FYCO1: variants seen among roughly 807,000 people sequenced by gnomAD.
FYCO1 encodes the protein FYVE and coiled-coil domain autophagy adaptor 1.
Under a neutral mutation model 165.1 loss-of-function variants are expected in FYCO1, and 122 were observed. That is an observed-to-expected ratio of 0.74 (90% CI 0.64 to 0.86). The LOEUF (loss-of-function observed/expected upper bound fraction) is 0.86. Ranked by LOEUF, FYCO1 falls within the 40% of genes least tolerant of loss-of-function variation. FYCO1 has a pLI of 0.00. For missense variants in FYCO1, 1,702 were observed against 1,810.3 expected, an observed-to-expected ratio of 0.94 and a Z score of 1.09; for synonymous variants, 648 against 742.5, an observed-to-expected ratio of 0.87 and a Z score of 2.07.
intron 17 of FYCO1, 44 bp from the exon 18 acceptor site, chr3:45,921,884 G>T: frequency 7.6e-7 from 1 of 1,313,156 alleles, no homozygotes; most frequent in Non-Finnish European, 1.1e-6. Flanking sequence ...CCTGAGAGCT[G>T]AAAGTCCGAG....
chr3:45,958,910 C>T (rs558193516), intron 12 of FYCO1, among the ~76,000 whole-genome samples: 1 of 152,338 alleles, frequency 6.6e-6, no homozygotes, highest in African/African-American at 2.4e-5. Flanking sequence ...ATCTCAGAAG[C>T]TAAGGCTCTA....
intron 1 of FYCO1, among the ~76,000 whole-genome samples, chr3:45,995,288 G>A (rs1707753121): frequency 6.6e-6 from 1 of 152,368 alleles, no homozygotes; most frequent in East Asian, 1.9e-4. Context: ...GTCTTGCAAA[G>A]TGAAGGTCTG....
chr3:45,939,239 C>T (rs1704075360), intron 14 of FYCO1, among the ~76,000 whole-genome samples: 1 of 152,264 alleles, frequency 6.6e-6, no homozygotes, highest in Admixed American at 6.5e-5. Flanking sequence ...GCCTGCTGTG[C>T]ACACAGCCCA....
intron 1 of FYCO1, among the ~76,000 whole-genome samples, chr3:45,992,710 G>C (rs572888278): frequency 5.9e-5 from 9 of 152,250 alleles, no homozygotes; most frequent in African/African-American, 2.2e-4. Flanking sequence ...GAAAGGGGGG[G>C]TAACAGACAT....
At chr3:45,978,724 A>G (rs1327483600) in intron 4 of FYCO1, among the ~76,000 whole-genome samples, 2 of 152,238 alleles carry the variant, frequency 1.3e-5, no homozygotes, top group Non-Finnish European at 2.9e-5. Context: ...CCTGATATGC[A>G]AAGTTCTGCA....
At chr3:45,953,348 C>G (rs1393503401) in intron 14 of FYCO1, among the ~76,000 whole-genome samples, 1 of 152,132 alleles carries the variant, frequency 6.6e-6, no homozygotes, top group African/African-American at 2.4e-5. Flanking sequence ...GACCTGGGAC[C>G]CACATAAATT....
At position 45,931,247 on chromosome 3, in the gene FYCO1, T is replaced by C. The variant is rs1703605795; in HGVS notation, c.4075A>G (p.Ser1359Gly). ...AGCTCCCTGCTACCCTCCCCGAAGC[T>C]GGCGATCTCATCCACTGTGAGGGGT... ...KVPLTVDEIA[S>G]FGEGSRELFV... The change falls in exon 16 of 18, where the codon AGC (serine) becomes GGC (glycine). Residue 1359 changes from serine (S) to glycine (G), a missense_variant. Transcript: ENST00000296137. 6 of 1,613,812 alleles carry C rather than the reference T, an allele frequency of 3.7e-6. No homozygotes were observed. Among genetic ancestry groups the C allele is most frequent in the African/African-American group, 1.3e-5 (1 of 74,942 alleles).
chr3:45,961,335 T>C (rs900966788), intron 11 of FYCO1, among the ~76,000 whole-genome samples: 2 of 152,144 alleles, frequency 1.3e-5, no homozygotes, highest in Admixed American at 6.5e-5. Flanking sequence ...CTCCCAGGAC[T>C]TGGGAGGCTG....
chr3:45,969,443 C>T (rs1247946134), intron 7 of FYCO1, among the ~76,000 whole-genome samples: 4 of 152,236 alleles, frequency 2.6e-5, no homozygotes, highest in Non-Finnish European at 4.4e-5. Flanking sequence ...CGGTGCTAAA[C>T]TGCTTCTTTT....
At chr3:45,943,712 G>A (rs565018443) in intron 14 of FYCO1, among the ~76,000 whole-genome samples, 7 of 152,252 alleles carry the variant, frequency 4.6e-5, no homozygotes, top group Non-Finnish European at 8.8e-5. Context: ...CTGCTGTGTG[G>A]GTTAAACTGG....
At chr3:45,957,961 T>C (rs1235873269) in intron 13 of FYCO1, among the ~76,000 whole-genome samples, 1 of 152,234 alleles carries the variant, frequency 6.6e-6, no homozygotes, top group Non-Finnish European at 1.5e-5. Context: ...CTTCCTTCAC[T>C]GGGCTGAGTG....
Position 45,964,395 on chromosome 3 carries a change from G to A in FYCO1, c.3210C>T (p.Cys1070=), listed in dbSNP as rs765299220. 1.9e-6 allele frequency: 3 copies of A among 1,614,088 alleles called. No individual in the cohort carries two copies. The South Asian group carries it at 3.3e-5, about 18-fold the overall frequency. Residue 1070 remains cysteine, a synonymous_variant, in exon 10 of 18, where the codon TGC becomes TGT. Transcript: ENST00000296137. This position sits in a 1 kb window ranked among gnomAD's most constrained non-coding sequence, Gnocchi z 4.1. ...TGTCCTTCCTCAGCATGGCCGCCTG[G>A]CACTCTGCAAGATGGTTGCTAGTGC... The part of the protein sequence containing the change: ...LSCTSNHLAE[C]QAAMLRKDKE...
At chr3:45,928,085 G>A (rs755260718) in intron 16 of FYCO1, among the ~76,000 whole-genome samples, 1 of 152,124 alleles carries the variant, frequency 6.6e-6, no homozygotes, top group African/African-American at 2.4e-5. Flanking sequence ...TGGTCACTGG[G>A]GGCAGAGGTT....
intron 14 of FYCO1, among the ~76,000 whole-genome samples, chr3:45,944,811 G>A (rs1704478662): frequency 6.6e-6 from 1 of 152,154 alleles, no homozygotes; most frequent in Non-Finnish European, 1.5e-5. Context: ...AAGCAATAAT[G>A]GGGAGCTGAA....
intron 4 of FYCO1, among the ~76,000 whole-genome samples, chr3:45,977,460 C>T (rs1706832615): frequency 7.8e-6 from 1 of 127,516 alleles, no homozygotes; most frequent in South Asian, 2.7e-4. Flanking sequence ...AACAATAGTT[C>T]CTTTGTACTG....
chr3:45,921,879 G>A (rs373518120), intron 17 of FYCO1, 39 bp from the exon 18 acceptor site: 13 of 1,389,842 alleles, frequency 9.4e-6, no homozygotes, highest in Non-Finnish European at 1.3e-5. Context: ...TGTTACCTGA[G>A]AGCTGAAAGT....
At chr3:45,958,780 CA>C in intron 12 of FYCO1, 161 bp from the exon 13 acceptor site, 1 of 728,674 alleles carries the variant, frequency 1.4e-6, no homozygotes. Context: ...AAGATTCCAA[CA>C]AAGCCTTCTT....
Position 45,928,101 on chromosome 3 carries a change from G to A in FYCO1, c.4251+2970C>T, listed in dbSNP as rs150212602. 9.1e-3 allele frequency among the ~76,000 whole-genome samples: 1,379 copies of A among 152,316 alleles called. 13 individuals are homozygous for A. The highest frequency in any genetic ancestry group is 0.026 in the South Asian group (126 of 4,828). On this transcript the variant is annotated intron_variant, in intron 16 of 17. Transcript: ENST00000296137. ...GGTCACTGGGGGCAGAGGTTGGGGA[G>A]TGACTGCTAATGGGCACAGAATTTC... is the stretch of plus-strand genomic sequence containing the variant.
At position 45,958,551 on chromosome 3, in the gene FYCO1, T is replaced by C; in HGVS notation, c.3656A>G (p.Lys1219Arg). Residue 1219 changes from lysine to arginine, a missense_variant, in exon 13 of 18, where the codon AAG becomes AGG. Lys to Arg is a conservative substitution (Grantham distance 26, BLOSUM62 2). Transcript: ENST00000296137. ...GAAACAGGCTCGGCAGCAGCGCTCC[T>C]TTTTGCCACCGTGCTTGCTCAGGAC... ...NYVLSKHGGK[K>R]ERCCRACFQK... The C allele has an allele frequency of 6.2e-7, 1 of 1,614,210 alleles. No homozygotes were observed. The highest frequency in any genetic ancestry group is 8.5e-7 in the Non-Finnish European group (1 of 1,180,016).
Sources: gnomAD v4.1 joint callset for allele counts (sites outside exome capture counted in the v4.1 genomes callset) on GRCh38, gnomAD v4.1.1 for gene constraint, Gnocchi (gnomAD v3.1) non-coding constraint, MANE v1.5 for transcripts, NCBI Gene and HGNC (gene_info 2026-07-23, HGNC 2026-07-21) for gene names.